Variants in CNTN4 observed in about 807,000 individuals in gnomAD.
CNTN4 encodes contactin-4.
A neutral mutation model predicts 122.5 loss-of-function variants in CNTN4; 77 were observed. The ratio of observed to expected loss-of-function variants is 0.63; its 90% CI spans 0.52 to 0.76. CNTN4 has a LOEUF of 0.76. Among genes scored for constraint, CNTN4 ranks in the 30% least tolerant of loss-of-function variants. CNTN4 has a pLI of 0.00. For synonymous variants in CNTN4, 512 were observed against 447.0 expected, an observed-to-expected ratio of 1.15 and a Z score of -1.83; for missense variants, 1,256 against 1,259.1, an observed-to-expected ratio of 1.00 and a Z score of 0.04.
chr3:2,826,690 C>G (rs1369353637), intron 7 of CNTN4, among the ~76,000 whole-genome samples: 1 of 152,178 alleles, frequency 6.6e-6, no homozygotes, highest in Non-Finnish European at 1.5e-5. Context: ...TTAGACTCAC[C>G]CAGTTTCTTA....
chr3:2,481,890 G>C (rs547972288), intron 3 of CNTN4, among the ~76,000 whole-genome samples: 1 of 152,252 alleles, frequency 6.6e-6, no homozygotes, highest in East Asian at 1.9e-4. Flanking sequence ...ATGATTGTAA[G>C]TTTCATGAGA....
At chr3:2,441,661 A>T (rs2048445331) in intron 3 of CNTN4, among the ~76,000 whole-genome samples, 1 of 152,212 alleles carries the variant, frequency 6.6e-6, no homozygotes. Context: ...AGAGAGTGTT[A>T]CTTAGCCCTG....
intron 3 of CNTN4, among the ~76,000 whole-genome samples, chr3:2,570,258 C>A (rs746954016): frequency 6.6e-6 from 1 of 151,800 alleles, no homozygotes; most frequent in African/African-American, 2.4e-5. Flanking sequence ...ACTGCAGCCT[C>A]GAACTCCTGG....
At chr3:2,136,121 CT>C (rs1015744988) in intron 2 of CNTN4, among the ~76,000 whole-genome samples, 3 of 152,186 alleles carry the variant, frequency 2.0e-5, no homozygotes, top group Non-Finnish European at 4.4e-5. Context: ...AGGCTCTTTT[CT>C]TTCCTTACTT....
chr3:2,891,939 G>A (rs1448135690), intron 10 of CNTN4, among the ~76,000 whole-genome samples: 1 of 152,222 alleles, frequency 6.6e-6, no homozygotes, highest in Non-Finnish European at 1.5e-5. Context: ...ATATCCAGGT[G>A]AGAGACATTG....
At chr3:2,582,810 G>A (rs1474045241) in intron 4 of CNTN4, among the ~76,000 whole-genome samples, 5 of 151,638 alleles carry the variant, frequency 3.3e-5, no homozygotes, top group Non-Finnish European at 7.4e-5. Context: ...CCTCCTGGTG[G>A]CCAAAATTAA....
At chr3:2,099,941 GA>G (rs2031770217) in intron 1 of CNTN4, among the ~76,000 whole-genome samples, 1 of 152,202 alleles carries the variant, frequency 6.6e-6, no homozygotes, top group South Asian at 2.1e-4. Flanking sequence ...GTGGGCTCCT[GA>G]ATCCCTCTGA....
intron 14 of CNTN4, among the ~76,000 whole-genome samples, chr3:3,000,880 C>CTTTTTTTTTT (rs59337830): frequency 2.3e-5 from 3 of 131,492 alleles, no homozygotes; most frequent in African/African-American, 5.4e-5. Context: ...TTCTTTCTTT[C>CTTTTTTTTTT]TTTTTTTTTT....
intron 6 of CNTN4, among the ~76,000 whole-genome samples, chr3:2,810,987 A>T (rs1260929696): frequency 6.6e-6 from 1 of 150,952 alleles, no homozygotes; most frequent in Non-Finnish European, 1.5e-5. Context: ...TTCCATAGTG[A>T]TGTTCATGGC....
chr3:2,109,687 T>C (rs774921275), intron 2 of CNTN4, among the ~76,000 whole-genome samples: 11 of 152,180 alleles, frequency 7.2e-5, no homozygotes, highest in Non-Finnish European at 1.5e-4. Context: ...TCTAGGCACA[T>C]TGTCATCATT....
intron 2 of CNTN4, among the ~76,000 whole-genome samples, chr3:2,270,340 G>A (rs1027975046): frequency 1.3e-5 from 2 of 152,204 alleles, no homozygotes; most frequent in Non-Finnish European, 2.9e-5. Flanking sequence ...GGGGTTTGGT[G>A]TACAGATTAT....
At chr3:2,487,526 C>G (rs115457074) in intron 3 of CNTN4, among the ~76,000 whole-genome samples, 20 of 152,308 alleles carry the variant, frequency 1.3e-4, no homozygotes, top group Admixed American at 5.2e-4. Context: ...TCAAAAAGCC[C>G]TAGTCAATTA....
intron 3 of CNTN4, among the ~76,000 whole-genome samples, chr3:2,389,577 CT>C: frequency 6.6e-6 from 1 of 152,186 alleles, no homozygotes; most frequent in Middle Eastern, 3.4e-3. Flanking sequence ...TTCCTCTTTC[CT>C]TTTTTCTTCC....
At chr3:2,943,018 T>C (rs1377368112) in intron 13 of CNTN4, among the ~76,000 whole-genome samples, 1 of 152,158 alleles carries the variant, frequency 6.6e-6, no homozygotes, top group Admixed American at 6.6e-5. Context: ...AGATTATAAT[T>C]GCTGGCAAAG....
intron 6 of CNTN4, among the ~76,000 whole-genome samples, chr3:2,769,128 T>C (rs939056852): frequency 1.3e-5 from 2 of 152,268 alleles, no homozygotes; most frequent in South Asian, 2.1e-4. Flanking sequence ...AACTTACCTA[T>C]ACTGAAATTT....
At chr3:2,263,770 C>T (rs557934800) in intron 2 of CNTN4, among the ~76,000 whole-genome samples, 64 of 151,498 alleles carry the variant, frequency 4.2e-4, no homozygotes, top group Non-Finnish European at 7.2e-4. Flanking sequence ...ACCAACTTCT[C>T]TTCATCTGCC....
chr3:2,487,437 C>G (rs567559595), intron 3 of CNTN4, among the ~76,000 whole-genome samples: 1 of 152,302 alleles, frequency 6.6e-6, no homozygotes, highest in East Asian at 1.9e-4. Flanking sequence ...ATTTACCAGC[C>G]AAGCATTTAT....
At chr3:2,690,552 G>T (rs1810321) in intron 4 of CNTN4, among the ~76,000 whole-genome samples, 7,584 of 152,140 alleles carry the variant, frequency 0.05, 304 homozygotes, top group African/African-American at 0.1. Flanking sequence ...TGCTGTTGCT[G>T]CCTTTACCAT....
chr3:2,256,146 G>A (rs1483248305), intron 2 of CNTN4, among the ~76,000 whole-genome samples: 1 of 152,148 alleles, frequency 6.6e-6, no homozygotes, highest in Non-Finnish European at 1.5e-5. Context: ...ACTACCATCA[G>A]AGAATCCTAT....
Sources: gnomAD v4.1 joint callset for allele counts (sites outside exome capture counted in the v4.1 genomes callset) on GRCh38, gnomAD v4.1.1 for gene constraint, MANE v1.5 for transcripts, NCBI Gene and HGNC (gene_info 2026-07-23, HGNC 2026-07-21) for gene names.